The following LRIG3 variants were observed in gnomAD, a reference collection of about 807,000 sequenced individuals.
LRIG3 encodes leucine rich repeats and immunoglobulin like domains 3.
Under a neutral mutation model 114.5 loss-of-function variants are expected in LRIG3, and 76 were observed. The observed-to-expected ratio is 0.66, with a 90% CI of 0.55 to 0.80. The LOEUF (loss-of-function observed/expected upper bound fraction) is 0.80. LRIG3 is among the 30% of genes least tolerant of loss of function. The pLI, the probability that LRIG3 is intolerant of heterozygous loss-of-function variation, is 0.00. For missense variants in LRIG3, 1,239 were observed against 1,382.8 expected (o/e 0.90, Z 1.65); for synonymous variants, 512 against 519.8 (o/e 0.98, Z 0.20).
At chr12:58,908,241 G>A (rs1872140806) in intron 3 of LRIG3, among the ~76,000 whole-genome samples, 2 of 152,160 alleles carry the variant, frequency 1.3e-5, no homozygotes, top group Admixed American at 6.5e-5. Context: ...ACACCAGCAA[G>A]GTACTTTATG....
chr12:58,916,853 T>C (rs1455928800), intron 1 of LRIG3, among the ~76,000 whole-genome samples: 1 of 152,202 alleles, frequency 6.6e-6, no homozygotes, highest in Non-Finnish European at 1.5e-5. Flanking sequence ...TTGCAACATT[T>C]GGTTCAAGCT....
intron 3 of LRIG3, among the ~76,000 whole-genome samples, chr12:58,903,757 G>C (rs940702367): frequency 6.6e-6 from 1 of 151,856 alleles, no homozygotes. Context: ...GTGTAAGGAA[G>C]GGATCCAGTT....
At position 58,872,523 on chromosome 12, in the gene LRIG3, A is replaced by T. The variant is rs759233561; in HGVS notation, c.*49T>A. ...ATAAGATTCTCTCTCTTTTAAATAA[A>T]AGTTCACTTGAGGTAGTATGTTAAG... On this transcript the variant is annotated 3_prime_UTR_variant, in exon 19 of 19. Transcript: ENST00000320743. The T allele has an allele frequency of 2.0e-6, 3 of 1,486,584 alleles. No homozygotes were observed. The South Asian group carries it at 4.4e-5, about 22-fold the overall frequency. The allele number at this position is 1,486,584 out of a possible 1,614,324, so 92.1% of individuals were successfully genotyped here.
intron 3 of LRIG3, among the ~76,000 whole-genome samples, chr12:58,899,102 G>A (rs564452642): frequency 5.9e-5 from 9 of 152,334 alleles, no homozygotes; most frequent in African/African-American, 1.9e-4. Flanking sequence ...AGATTGTTAA[G>A]CCCACACCTT....
intron 3 of LRIG3, among the ~76,000 whole-genome samples, chr12:58,906,290 G>A (rs796796007): frequency 2.0e-5 from 3 of 152,200 alleles, no homozygotes; most frequent in African/African-American, 7.2e-5. Context: ...AAAAAAGGTA[G>A]CAACTATTTG....
At chr12:58,888,595 A>G in intron 6 of LRIG3, 123 bp from the exon 7 acceptor site, 2 of 1,370,900 alleles carry the variant, frequency 1.5e-6, no homozygotes, top group Non-Finnish European at 2.0e-6. Context: ...CTTTTGTTAT[A>G]TGAAGACGTC....
chr12:58,878,416 C>T (rs1359503768), intron 14 of LRIG3, among the ~76,000 whole-genome samples: 2 of 151,940 alleles, frequency 1.3e-5, no homozygotes, highest in Non-Finnish European at 2.9e-5. Flanking sequence ...ACTCTGACTT[C>T]CGGAGAGGTA....
Position 58,890,692 on chromosome 12 carries a change from G to A in LRIG3, c.488C>T (p.Ala163Val). The A allele has an allele frequency of 6.2e-7, 1 of 1,603,922 alleles. No individual in the cohort carries two copies. Among genetic ancestry groups the A allele is most frequent in the South Asian group, 1.1e-5 (1 of 88,110 alleles). Residue 163 changes from alanine to valine, a missense_variant, in exon 4 of 19, where the codon GCA (alanine) becomes GTA (valine). Transcript: ENST00000320743. ...SSNNISELQT[A>V]FPALQLKYLY... is the part of the protein sequence containing the mutation. ...ATATTTGAGCTGTAGGGCTGGAAAT[G>A]CAGTTTGGAGCTCTGAAATATTGTT...
At chr12:58,888,203 C>T in intron 7 of LRIG3, 126 bp downstream of exon 7, 1 of 1,148,310 alleles carries the variant, frequency 8.7e-7, no homozygotes, top group Non-Finnish European at 1.2e-6. Context: ...GACTAGGTTG[C>T]ATGTGAAAAA....
chr12:58,885,860 G>A lies in LRIG3; in HGVS notation c.1215C>T (p.Ala405=). ...GCTCCAATGCATCCAAACCAGTGAA[G>A]GCTTTTTTAGTAATAGAACGGATCC... ...GNRIRSITKK[A]FTGLDALEHL... is the part of the protein sequence containing the mutation. Residue 405 remains alanine (A), a synonymous_variant, in exon 10 of 19, where the codon GCC becomes GCT. Transcript: ENST00000320743. 1.3e-6 allele frequency: 2 copies of A among 1,591,412 alleles called. No homozygotes were observed. Among genetic ancestry groups the A allele is most frequent in the Non-Finnish European group, 1.7e-6 (2 of 1,165,770 alleles).
At chr12:58,880,503 A>G (rs1871090089) in intron 13 of LRIG3, 78 bp downstream of exon 13, 1 of 1,387,856 alleles carries the variant, frequency 7.2e-7, no homozygotes, top group Non-Finnish European at 1.0e-6. Context: ...GACAGGGTTA[A>G]GATTAAGAGA....
At chr12:58,910,554 G>T (rs1457794346) in intron 3 of LRIG3, among the ~76,000 whole-genome samples, 1 of 152,202 alleles carries the variant, frequency 6.6e-6, no homozygotes, top group Admixed American at 6.5e-5. Context: ...CTTGCAGTGA[G>T]CTGAGATTGA....
chr12:58,887,026 A>G (rs372336155), intron 8 of LRIG3, 136 bp from the exon 9 acceptor site: 12 of 602,964 alleles, frequency 2.0e-5, no homozygotes, highest in African/African-American at 1.7e-4. Context: ...ATAATAGAAA[A>G]CTCTTTTTCT....
chr12:58,910,623 CAAAAACAAA>C (rs1872241757), intron 3 of LRIG3, among the ~76,000 whole-genome samples: 1 of 151,892 alleles, frequency 6.6e-6, no homozygotes, highest in Non-Finnish European at 1.5e-5. Context: ...AAAACAAAAA[CAAAAACAAA>C]AAAAACAAGT....
At chr12:58,905,834 G>A (rs987369719) in intron 3 of LRIG3, among the ~76,000 whole-genome samples, 2 of 152,082 alleles carry the variant, frequency 1.3e-5, no homozygotes, top group African/African-American at 4.8e-5. Flanking sequence ...CCCCAAATGA[G>A]GCCCATCAAC....
At chr12:58,906,226 T>G (rs1416799005) in intron 3 of LRIG3, among the ~76,000 whole-genome samples, 2 of 152,170 alleles carry the variant, frequency 1.3e-5, no homozygotes, top group African/African-American at 4.8e-5. Context: ...ATAATTAATA[T>G]GAAAAACTGA....
rs117478729 is a variant in LRIG3, at chr12:58,885,233, G to A, written c.1244+598C>T. On this transcript the variant is annotated intron_variant, in intron 10 of 18. Coordinates refer to ENST00000320743, the MANE Select transcript of LRIG3 (RefSeq NM_153377.5). ...AGAAAACAACAAAAAAGAGAACAAT[G>A]GTAAGGGGGGGTTGTATGTTTCATA... 5.7e-3 allele frequency among the ~76,000 whole-genome samples: 872 copies of A among 152,180 alleles called. 2 individuals carry two copies. The highest frequency in any genetic ancestry group is 9.1e-3 in the Non-Finnish European group (616 of 68,006).
At chr12:58,877,073 G>A (rs1374797246) in intron 15 of LRIG3, among the ~76,000 whole-genome samples, 1 of 152,114 alleles carries the variant, frequency 6.6e-6, no homozygotes, top group Non-Finnish European at 1.5e-5. Flanking sequence ...TACAACTACT[G>A]CAGAGAGTAA....
intron 10 of LRIG3, among the ~76,000 whole-genome samples, chr12:58,885,531 T>C (rs1871247989): frequency 6.6e-6 from 1 of 152,110 alleles, no homozygotes; most frequent in African/African-American, 2.4e-5. Flanking sequence ...CCTAGTAGTT[T>C]GTTTTTTTTT....
Sources: gnomAD v4.1 joint callset for allele counts (sites outside exome capture counted in the v4.1 genomes callset) on GRCh38, gnomAD v4.1.1 for gene constraint, MANE v1.5 for transcripts, NCBI Gene and HGNC (gene_info 2026-07-23, HGNC 2026-07-21) for gene names.